The following TMEM116 variants were observed in gnomAD, a reference collection of about 807,000 sequenced individuals.
The protein encoded by TMEM116 is transmembrane protein 116.
In TMEM116, 38 loss-of-function variants were observed where a neutral mutation model predicts 44.3. The ratio of observed to expected loss-of-function variants is 0.86; its 90% CI spans 0.66 to 1.12. The LOEUF is 1.12. Ranked by LOEUF, TMEM116 falls within the 50% of genes most tolerant of loss-of-function variation. TMEM116 has a pLI of 0.00. For synonymous variants in TMEM116, 132 were observed against 144.8 expected, an observed-to-expected ratio of 0.91 and a Z score of 0.64; for missense variants, 354 against 401.7, an observed-to-expected ratio of 0.88 and a Z score of 1.01.
In TMEM116 at chr12:111,979,740, A is replaced by G. The variant is rs573698048; in HGVS notation, c.210+12018T>C. 9.8e-5 allele frequency among the ~76,000 whole-genome samples: 15 copies of G among 152,352 alleles called. No homozygotes were observed. The East Asian group carries it at 2.9e-3, about 29-fold the overall frequency. Reference sequence around the variant, plus strand: ...ATACATTGACTGAGGAACTGTATCCACAATACACAAATAACTCATAAACTC... The same window carrying G: ...ATACATTGACTGAGGAACTGTATCCGCAATACACAAATAACTCATAAACTC... On this transcript the variant is annotated intron_variant, in intron 4 of 10. Transcript: ENST00000552374.
At chr12:111,968,504 G>A (rs1431701079) in intron 4 of TMEM116, among the ~76,000 whole-genome samples, 1 of 152,108 alleles carries the variant, frequency 6.6e-6, no homozygotes, top group Admixed American at 6.6e-5. Flanking sequence ...TGAAATGTCT[G>A]GCATTCAGTA....
At chr12:111,955,058 G>A (rs933354446) in intron 4 of TMEM116, among the ~76,000 whole-genome samples, 5 of 152,174 alleles carry the variant, frequency 3.3e-5, no homozygotes, top group African/African-American at 9.7e-5. Flanking sequence ...AGATAACAAG[G>A]AGATGTAAAG....
intron 4 of TMEM116, among the ~76,000 whole-genome samples, chr12:111,978,180 T>C (rs1729330295): frequency 6.7e-6 from 1 of 150,308 alleles, no homozygotes; most frequent in Admixed American, 6.6e-5. Flanking sequence ...GGTGGGCAGA[T>C]CACGAGGTCA....
chr12:111,947,895 T>C (rs1295821649), intron 4 of TMEM116, among the ~76,000 whole-genome samples: 2 of 152,220 alleles, frequency 1.3e-5, no homozygotes, highest in African/African-American at 4.8e-5. Flanking sequence ...AACATAAAAG[T>C]AATGTTTTTA....
chr12:111,945,543 C>T (rs2073204814), intron 4 of TMEM116, among the ~76,000 whole-genome samples: 1 of 151,180 alleles, frequency 6.6e-6, no homozygotes. Context: ...TGTTAAAAAC[C>T]TCAAGAACTG....
At chr12:112,005,116 G>T in intron 2 of TMEM116, 141 bp downstream of exon 2, 1 of 545,222 alleles carries the variant, frequency 1.8e-6, no homozygotes, top group Non-Finnish European at 3.0e-6. Context: ...TTATTAGTAA[G>T]AAAATATCAA....
chr12:111,984,702 T>C (rs1008845435), intron 4 of TMEM116, among the ~76,000 whole-genome samples: 2 of 152,120 alleles, frequency 1.3e-5, no homozygotes, highest in African/African-American at 4.8e-5. Context: ...GTATTGCTTA[T>C]AGCACAAAGG....
At chr12:111,996,826 A>C (rs1043035161) in intron 3 of TMEM116, among the ~76,000 whole-genome samples, 1 of 152,262 alleles carries the variant, frequency 6.6e-6, no homozygotes, top group Non-Finnish European at 1.5e-5. Context: ...TTCATACTAC[A>C]GAATACCAGA....
chr12:111,939,143 C>A (rs1371926132), intron 5 of TMEM116, among the ~76,000 whole-genome samples: 1 of 151,958 alleles, frequency 6.6e-6, no homozygotes, highest in Non-Finnish European at 1.5e-5. Flanking sequence ...ACCTGGGTAC[C>A]AATGAATCTC....
chr12:111,970,247 A>AC (rs1440452004), intron 4 of TMEM116, among the ~76,000 whole-genome samples: 2 of 150,808 alleles, frequency 1.3e-5, no homozygotes, highest in Admixed American at 6.6e-5. Context: ...CCATGCCACT[A>AC]CCCTACACCC....
rs1593290278 is a variant in TMEM116 at position 111,940,520 on chromosome 12, TGTGTATATATATATATATATATATACAC to T, written c.316-2338_316-2311del. On this transcript the variant is annotated intron_variant, in intron 5 of 10. Coordinates refer to ENST00000552374, the MANE Select transcript of TMEM116 (RefSeq NM_001193531.2). ...ACACATATATATACACACATATATA[TGTGTATATATATATATATATATATACAC>T]ACACACATATATATGTGTGTATATA... is the stretch of plus-strand genomic sequence containing the variant. Among the ~76,000 whole-genome samples, 50 of 106,610 alleles carry T rather than the reference TGTGTATATATATATATATATATATACAC, an allele frequency of 4.7e-4. 1 individual carries two copies. The highest frequency in any genetic ancestry group is 4.7e-3 in the East Asian group (5 of 1,070). 69.9% of individuals were successfully genotyped at this position (106,610 alleles called of 152,430 possible).
chr12:111,940,470 T>C (rs1227586750), intron 5 of TMEM116, among the ~76,000 whole-genome samples: 1 of 97,774 alleles, frequency 1.0e-5, no homozygotes, highest in Non-Finnish European at 1.9e-5. Context: ...CCCACATATA[T>C]ATATATACAT....
rs1045555382 is a variant in TMEM116 at position 111,993,470 on chromosome 12, T to C, written c.79-1581A>G. The C allele has an allele frequency of 1.3e-4, 71 of 555,956 alleles. 1 individual carries two copies. Among genetic ancestry groups the C allele is most frequent in the South Asian group, 9.3e-4 (63 of 67,536 alleles). 34.4% of individuals were successfully genotyped at this position (555,956 alleles called of 1,614,324 possible). Reference sequence around the variant, plus strand: ...CAGAGCATGTTATCTCTGGTGCACATCACTGTATTTGGCTGCCTCTGCCAG... The same window carrying C: ...CAGAGCATGTTATCTCTGGTGCACACCACTGTATTTGGCTGCCTCTGCCAG... On this transcript the variant is annotated intron_variant, in intron 3 of 10. Coordinates refer to ENST00000552374, the MANE Select transcript of TMEM116 (RefSeq NM_001193531.2).
intron 2 of TMEM116, among the ~76,000 whole-genome samples, chr12:112,004,169 T>C (rs935666645): frequency 3.3e-5 from 5 of 152,198 alleles, no homozygotes; most frequent in African/African-American, 9.6e-5. Context: ...TTTGTAGTGA[T>C]AGGGTCTTGC....
intron 5 of TMEM116, among the ~76,000 whole-genome samples, chr12:111,940,517 ATATGTG>A: frequency 9.0e-6 from 1 of 111,530 alleles, no homozygotes; most frequent in African/African-American, 4.6e-5. Flanking sequence ...ACACACATAT[ATATGTG>A]TATATATATA....
intron 4 of TMEM116, among the ~76,000 whole-genome samples, chr12:111,974,847 A>G (rs2075575495): frequency 1.3e-5 from 2 of 152,070 alleles, no homozygotes; most frequent in Admixed American, 1.3e-4. Flanking sequence ...AATGTATTTT[A>G]TTTCTATATA....
intron 4 of TMEM116, among the ~76,000 whole-genome samples, chr12:111,947,287 A>G (rs2073367025): frequency 6.6e-6 from 1 of 151,980 alleles, no homozygotes; most frequent in South Asian, 2.1e-4. Flanking sequence ...AAACCTTTTA[A>G]CATCTTTGAC....
intron 1 of TMEM116, chr12:112,006,190 A>T (rs549706708): frequency 6.5e-6 from 1 of 153,204 alleles, no homozygotes; most frequent in African/African-American, 2.4e-5. Context: ...GAACAAAAAC[A>T]GAAAGACCAG....
chr12:111,949,441 G>C (rs1218287399), intron 4 of TMEM116, among the ~76,000 whole-genome samples: 1 of 152,154 alleles, frequency 6.6e-6, no homozygotes, highest in Non-Finnish European at 1.5e-5. Context: ...TATGGACAAA[G>C]TCTAAAGTCT....
Sources: allele counts gnomAD v4.1 joint callset (sites outside exome capture counted in the v4.1 genomes callset), GRCh38; gene constraint gnomAD v4.1.1; transcripts MANE v1.5; gene names NCBI Gene and HGNC (gene_info 2026-07-23, HGNC 2026-07-21).